The following KIF21A variants were observed in gnomAD, a reference collection of about 807,000 sequenced individuals.
KIF21A encodes the protein kinesin-like protein KIF21A.
In KIF21A, 114 loss-of-function variants were observed where a neutral mutation model predicts 202.9. The observed-to-expected ratio is 0.56, with a 90% CI of 0.48 to 0.66. KIF21A has a LOEUF of 0.66. Among genes scored for constraint, KIF21A ranks in the 30% least tolerant of loss-of-function variants. The pLI is 0.00. For missense variants in KIF21A, 1,677 were observed against 1,994.9 expected (o/e 0.84, Z 3.04); for synonymous variants, 667 against 670.8 (o/e 0.99, Z 0.09).
intron 33 of KIF21A, among the ~76,000 whole-genome samples, chr12:39,308,989 C>T (rs1241985331): frequency 6.6e-6 from 1 of 152,050 alleles, no homozygotes; most frequent in Admixed American, 6.6e-5. Context: ...TTAAAAAATT[C>T]ATCAATATCA....
At chr12:39,296,025 T>TAA (rs34017775) in intron 37 of KIF21A, among the ~76,000 whole-genome samples, 4,122 of 86,708 alleles carry the variant, frequency 0.048, 395 homozygotes, top group African/African-American at 0.19. Flanking sequence ...GTTTGTTTGT[T>TAA]AAAAAAAAAA....
At chr12:39,363,292 G>A in intron 6 of KIF21A, 79 bp from the exon 7 acceptor site, 1 of 827,748 alleles carries the variant, frequency 1.2e-6, no homozygotes, top group East Asian at 2.7e-5. Context: ...AAAGTTTACA[G>A]AGAATAATAT....
At chr12:39,393,665 TGAG>T (rs1320240801) in intron 1 of KIF21A, among the ~76,000 whole-genome samples, 1 of 152,166 alleles carries the variant, frequency 6.6e-6, no homozygotes, top group Non-Finnish European at 1.5e-5. Context: ...TTAAACTAAC[TGAG>T]GCAATTTTTT....
At chr12:39,319,384 C>A (rs932628988) in intron 28 of KIF21A, among the ~76,000 whole-genome samples, 1 of 152,012 alleles carries the variant, frequency 6.6e-6, no homozygotes, top group Non-Finnish European at 1.5e-5. Context: ...AGTAAACTAA[C>A]CCTCACAAAA....
Position 39,342,119 on chromosome 12 carries a change from G to C in KIF21A, c.1718C>G (p.Ala573Gly), listed in dbSNP as rs775986011. 1.9e-6 allele frequency: 3 copies of C among 1,604,686 alleles called. No individual in the cohort carries two copies. The highest frequency in any genetic ancestry group is 3.3e-5 in the Admixed American group (2 of 59,882). Residue 573 changes from alanine to glycine, a missense_variant, in exon 13 of 38, where the codon GCT becomes GGT. By Grantham distance (60) the Ala-to-Gly change is moderately conservative (BLOSUM62 0). Coordinates refer to ENST00000361418, the MANE Select transcript of KIF21A (RefSeq NM_001173464.2). ...AGTGTCTGTATTATCCTCTTTACCA[G>C]CCACACTAAAAAAAGGAACATAAGG... ...EESNREERSV[A>G]GKEDNTDTDQ...
rs11171689 is a variant in KIF21A at position 39,304,839 on chromosome 12, G to C, written c.4542C>G (p.Ser1514=). Residue 1514 remains serine (S), a synonymous_variant, in exon 35 of 38, where the codon TCC becomes TCG. Transcript: ENST00000361418. ...TACATACTTTGATGTAATGATCCTT[G>C]GAGCCAGTGATGATTAGATCTTGTC... is the stretch of plus-strand genomic sequence containing the variant. ...SSGQDLIITG[S]KDHYIKMFDV... 3.5e-3 allele frequency: 5,532 copies of C among 1,561,906 alleles called. 78 individuals are homozygous for C. In the East Asian group the frequency reaches 0.05, roughly 14 times the overall value.
chr12:39,409,467 G>A (rs1238302324), intron 1 of KIF21A, among the ~76,000 whole-genome samples: 1 of 150,490 alleles, frequency 6.6e-6, no homozygotes, highest in Admixed American at 6.6e-5. Flanking sequence ...AGGCTGCAGT[G>A]AGCCATGACT....
At chr12:39,317,319 G>T (rs1944661718) in intron 29 of KIF21A, among the ~76,000 whole-genome samples, 2 of 152,052 alleles carry the variant, frequency 1.3e-5, no homozygotes, top group Non-Finnish European at 2.9e-5. Context: ...AGAGATTATT[G>T]ATTTATACAG....
chr12:39,341,204 T>C, intron 14 of KIF21A, 110 bp from the exon 15 acceptor site: 3 of 902,818 alleles, frequency 3.3e-6, no homozygotes, highest in South Asian at 3.1e-5. Context: ...ATTCACTTAG[T>C]AGTTATTAGA....
intron 6 of KIF21A, among the ~76,000 whole-genome samples, chr12:39,365,707 ATAACT>A (rs1949551615): frequency 2.0e-5 from 3 of 152,376 alleles, no homozygotes; most frequent in Admixed American, 6.5e-5. Flanking sequence ...CACCCATGAA[ATAACT>A]TAATATTAAA....
At chr12:39,331,852 C>A (rs1946536641) in intron 21 of KIF21A, 61 bp from the exon 22 acceptor site, 1 of 1,222,396 alleles carries the variant, frequency 8.2e-7, no homozygotes, top group South Asian at 1.2e-5. Context: ...AAGGCAACAG[C>A]CTATTGTTTC....
intron 1 of KIF21A, among the ~76,000 whole-genome samples, chr12:39,378,174 T>C (rs1950378944): frequency 6.6e-6 from 1 of 152,006 alleles, no homozygotes; most frequent in Non-Finnish European, 1.5e-5. Flanking sequence ...GCAGGAAAAA[T>C]AGCTATTGGG....
chr12:39,436,422 T>TTTTATATATATATATATATA lies in KIF21A; in HGVS notation c.44+6504_44+6505insTATATATATATATATATAAA, dbSNP rs1424497663. ...TCAATAATTATAAGGGTTTACTATA[T>TTTTATATATATATATATATA]TATATATATATATATATATATATAT... On this transcript the variant is annotated intron_variant, in intron 1 of 37. Transcript: ENST00000361418. 3.1e-3 allele frequency among the ~76,000 whole-genome samples: 307 copies of TTTTATATATATATATATATA among 99,012 alleles called. 5 individuals are homozygous for TTTTATATATATATATATATA. Among genetic ancestry groups the TTTTATATATATATATATATA allele is most frequent in the African/African-American group, 6.4e-3 (140 of 22,004 alleles). 65.0% of individuals were successfully genotyped at this position (99,012 alleles called of 152,430 possible). A position where few individuals can be genotyped will look rare whatever the true frequency, so the allele number is the denominator to read the frequency against.
intron 8 of KIF21A, among the ~76,000 whole-genome samples, chr12:39,357,824 C>T (rs1256032264): frequency 7.1e-6 from 1 of 141,698 alleles, no homozygotes; most frequent in African/African-American, 2.6e-5. Context: ...ACAGGAGAAT[C>T]ATTTAACCCG....
At chr12:39,409,283 G>T (rs1952876022) in intron 1 of KIF21A, among the ~76,000 whole-genome samples, 2 of 151,642 alleles carry the variant, frequency 1.3e-5, no homozygotes, top group Admixed American at 1.3e-4. Flanking sequence ...ACCTTAGGAG[G>T]CTGAGTTGGG....
At position 39,314,015 on chromosome 12, in the gene KIF21A, T is replaced by G. The variant is rs111925166; in HGVS notation, c.3959+1214A>C. Among the ~76,000 whole-genome samples the G allele has an allele frequency of 2.2e-3, 331 of 151,494 alleles. 1 individual carries two copies. The highest frequency in any genetic ancestry group is 7.8e-3 in the African/African-American group (322 of 41,406). The stretch of plus-strand genomic sequence containing the variant: ...GCATAATTTAAAAGGGCTGAATATA[T>G]GAAGAGCTGTCATATATAAACAAAA... On this transcript the variant is annotated intron_variant, in intron 31 of 37. Transcript: ENST00000361418.
At chr12:39,329,846 T>G (rs1946352863) in intron 24 of KIF21A, among the ~76,000 whole-genome samples, 1 of 152,046 alleles carries the variant, frequency 6.6e-6, no homozygotes, top group Non-Finnish European at 1.5e-5. Context: ...ATACCAAAGA[T>G]ATATACAGAA....
chr12:39,315,323 G>T, intron 30 of KIF21A, 83 bp from the exon 31 acceptor site: 1 of 1,200,724 alleles, frequency 8.3e-7, no homozygotes, highest in Non-Finnish European at 1.2e-6. Flanking sequence ...TGGTGAAAGG[G>T]AATGAGACAG....
intron 1 of KIF21A, among the ~76,000 whole-genome samples, chr12:39,441,660 T>TAAAAAAAA (rs56245570): frequency 0.05 from 1,876 of 37,616 alleles, 387 homozygotes; most frequent in Non-Finnish European, 0.08. Flanking sequence ...CCCTGGGTGG[T>TAAAAAAAA]AAAAAAAAAA....
Sources: allele counts gnomAD v4.1 joint callset (sites outside exome capture counted in the v4.1 genomes callset), GRCh38; gene constraint gnomAD v4.1.1; transcripts MANE v1.5; gene names NCBI Gene and HGNC (gene_info 2026-07-23, HGNC 2026-07-21).